ZNF560: variants seen among roughly 807,000 people sequenced by gnomAD.
ZNF560 encodes the protein zinc finger protein 560.
A neutral mutation model predicts 81.8 loss-of-function variants in ZNF560; 54 were observed. The ratio of observed to expected loss-of-function variants is 0.66; its 90% CI spans 0.53 to 0.83. The LOEUF (loss-of-function observed/expected upper bound fraction) is 0.83. ZNF560 is among the 40% of genes least tolerant of loss of function. The probability of loss-of-function intolerance (pLI) is 0.00; values close to 1 mark genes in which losing one functional copy is unlikely to be tolerated. For missense variants in ZNF560, 940 were observed against 932.4 expected, an observed-to-expected ratio of 1.01 and a Z score of -0.11; for synonymous variants, 321 against 317.9, an observed-to-expected ratio of 1.01 and a Z score of -0.10.
chr19:9,450,519 G>C, the ZNF560 span, among the ~76,000 whole-genome samples: 9 of 152,150 alleles, frequency 5.9e-5, no homozygotes, highest in African/African-American at 2.2e-4. Flanking sequence ...TTCAGTTCTG[G>C]ATACAAAATC....
At chr19:9,453,827 G>C in the ZNF560 span, among the ~76,000 whole-genome samples, 1 of 152,172 alleles carries the variant, frequency 6.6e-6, no homozygotes, top group African/African-American at 2.4e-5. Flanking sequence ...AGAAAGTACT[G>C]TATGAGTTAA....
At chr19:9,452,747 G>T in the ZNF560 span, among the ~76,000 whole-genome samples, 1 of 152,188 alleles carries the variant, frequency 6.6e-6, no homozygotes, top group Admixed American at 6.5e-5. Context: ...CTACTGGGCG[G>T]GTAGGTGGGA....
chr19:9,492,202 C>T (rs1443775802), intron 2 of ZNF560, among the ~76,000 whole-genome samples: 2 of 151,996 alleles, frequency 1.3e-5, no homozygotes, highest in Non-Finnish European at 2.9e-5. Context: ...GATGGGGTTT[C>T]ACCATGTTGC....
chr19:9,448,005 TAGC>T, the ZNF560 span, among the ~76,000 whole-genome samples: 2 of 152,170 alleles, frequency 1.3e-5, no homozygotes, highest in Non-Finnish European at 2.9e-5. Context: ...ATCAGGCTAA[TAGC>T]AGACTCCTCA....
At chr19:9,460,685 G>A in the ZNF560 span, among the ~76,000 whole-genome samples, 58 of 152,202 alleles carry the variant, frequency 3.8e-4, no homozygotes, top group African/African-American at 1.3e-3. Context: ...TCACTCTATG[G>A]CAGTTACACA....
rs530305824 is a variant in ZNF560 at position 9,468,971 on chromosome 19, G to A, written c.612+134C>T. The A allele has an allele frequency of 1.0e-3, 668 of 644,806 alleles. 6 individuals are homozygous for A. Among genetic ancestry groups the A allele is most frequent in the African/African-American group, 0.01 (532 of 52,520 alleles). 39.9% of individuals were successfully genotyped at this position (644,806 alleles called of 1,614,324 possible). On this transcript the variant is annotated intron_variant, in intron 9 of 9. Coordinates refer to ENST00000301480, the MANE Select transcript of ZNF560 (RefSeq NM_152476.3). Reference sequence around the variant, plus strand: ...TCTCGAACTCCTGACCTCATGATCCGCCTGCCTCAGCCTCCCAAAGTGCTG... The same window carrying A: ...TCTCGAACTCCTGACCTCATGATCCACCTGCCTCAGCCTCCCAAAGTGCTG...
At chr19:9,500,394 C>CAAAA (rs767714516), upstream of ZNF560, among the ~76,000 whole-genome samples, 2 of 82,646 alleles carry the variant, frequency 2.4e-5, no homozygotes, top group Non-Finnish European at 2.2e-5. Context: ...AACTTCATCT[C>CAAAA]AAAAAAAAAA....
At chr19:9,478,482 C>T (rs1006751705) in intron 2 of ZNF560, among the ~76,000 whole-genome samples, 5 of 230 alleles carry the variant, frequency 0.022, no homozygotes, top group Middle Eastern at 0.5. Context: ...AAAATAAGCA[C>T]GTAGCTAATT....
At chr19:9,451,202 G>A in the ZNF560 span, among the ~76,000 whole-genome samples, 46 of 152,092 alleles carry the variant, frequency 3.0e-4, no homozygotes, top group African/African-American at 1.1e-3. Context: ...AACCAGAGAC[G>A]TCACCCTACC....
chr19:9,490,487 GAAA>G (rs2073454641), intron 2 of ZNF560, among the ~76,000 whole-genome samples: 1 of 152,192 alleles, frequency 6.6e-6, no homozygotes, highest in Admixed American at 6.5e-5. Context: ...TCACTAGCAT[GAAA>G]CAGATAAGAA....
At chr19:9,460,630 AC>A in the ZNF560 span, among the ~76,000 whole-genome samples, 2 of 151,960 alleles carry the variant, frequency 1.3e-5, no homozygotes, top group Admixed American at 6.6e-5. Flanking sequence ...CTAGTTGCCC[AC>A]CCCCTCAGTA....
chr19:9,458,378 C>T, the ZNF560 span, among the ~76,000 whole-genome samples: 2 of 152,282 alleles, frequency 1.3e-5, no homozygotes, highest in African/African-American at 4.8e-5. Flanking sequence ...AATGGTAAAG[C>T]CTCTTATTCT....
At chr19:9,462,103 A>G (rs938915671), downstream of ZNF560, among the ~76,000 whole-genome samples, 9 of 152,198 alleles carry the variant, frequency 5.9e-5, no homozygotes, top group African/African-American at 2.2e-4. Context: ...TGCCCTGGTA[A>G]AACAAAAAGG....
At chr19:9,495,092 G>T (rs1485703001) in intron 2 of ZNF560, among the ~76,000 whole-genome samples, 1 of 151,948 alleles carries the variant, frequency 6.6e-6, no homozygotes, top group Middle Eastern at 3.2e-3. Flanking sequence ...GCAAGCCGAG[G>T]TTGCACCACC....
At chr19:9,480,658 A>G (rs1430885010) in intron 2 of ZNF560, among the ~76,000 whole-genome samples, 1 of 152,014 alleles carries the variant, frequency 6.6e-6, no homozygotes, top group African/African-American at 2.4e-5. Flanking sequence ...AAAAAAAAAA[A>G]GCCGGGCACA....
At chr19:9,478,025 C>T (rs2073229471) in intron 2 of ZNF560, among the ~76,000 whole-genome samples, 1 of 152,014 alleles carries the variant, frequency 6.6e-6, no homozygotes, top group Non-Finnish European at 1.5e-5. Context: ...ATATAAATAT[C>T]CATACTCAGG....
the ZNF560 span, among the ~76,000 whole-genome samples, chr19:9,453,093 A>G: frequency 6.6e-6 from 1 of 152,188 alleles, no homozygotes; most frequent in Non-Finnish European, 1.5e-5. Flanking sequence ...TGAGATCATG[A>G]TGATGGGGCT....
chr19:9,463,399 G>GTA (rs931865463), downstream of ZNF560, among the ~76,000 whole-genome samples: 3 of 152,126 alleles, frequency 2.0e-5, no homozygotes, highest in African/African-American at 7.2e-5. Context: ...CCTCACCTGT[G>GTA]ACCCACAAGT....
chr19:9,494,905 C>CA (rs869220673), intron 2 of ZNF560, among the ~76,000 whole-genome samples: 95 of 148,552 alleles, frequency 6.4e-4, no homozygotes, highest in African/African-American at 1.4e-3. Context: ...AACTCCGTCT[C>CA]AAAAAAAAAC....
Sources: allele counts gnomAD v4.1 joint callset (sites outside exome capture counted in the v4.1 genomes callset), GRCh38; gene constraint gnomAD v4.1.1; transcripts MANE v1.5; gene names NCBI Gene and HGNC (gene_info 2026-07-23, HGNC 2026-07-21).